CEP164: variants seen among roughly 807,000 people sequenced by gnomAD.
CEP164 encodes the protein centrosomal protein 164.
CEP164 carries 162 observed loss-of-function variants against 182.7 expected under a neutral mutation model. That is an observed-to-expected ratio of 0.89 (90% CI 0.78 to 1.01). The LOEUF (loss-of-function observed/expected upper bound fraction) is 1.01, where lower values mean the gene tolerates loss of function less well. Ranked by LOEUF, CEP164 falls within the 50% of genes least tolerant of loss-of-function variation. CEP164 has a pLI of 0.00. For synonymous variants in CEP164, 661 were observed against 690.0 expected (o/e 0.96, Z 0.66); for missense variants, 1,735 against 1,790.4 (o/e 0.97, Z 0.56).
chr11:117,343,960 A>G (rs758208327), intron 3 of CEP164, among the ~76,000 whole-genome samples: 1 of 152,010 alleles, frequency 6.6e-6, no homozygotes, highest in Non-Finnish European at 1.5e-5. Flanking sequence ...TTGGCTTCGG[A>G]TTATATCATT....
chr11:117,409,329 C>A lies in CEP164; in HGVS notation c.3749-289C>A. The A allele has an allele frequency of 1.7e-6, 1 of 578,530 alleles. No individual in the cohort carries two copies. The highest frequency in any genetic ancestry group is 3.1e-6 in the Non-Finnish European group (1 of 326,922). The allele number at this position is 578,530 out of a possible 1,614,324, so 35.8% of individuals were successfully genotyped here. On this transcript the variant is annotated intron_variant, in intron 29 of 32. Coordinates refer to ENST00000278935, the MANE Select transcript of CEP164 (RefSeq NM_014956.5). This position sits in a 1 kb window ranked among gnomAD's most constrained non-coding sequence, Gnocchi z 4.4. ...GAGGAGGCTTTTCTCTCTCAGCTGC[C>A]CTGGCCTGTATGTGACAGAAGGGCC... is the stretch of plus-strand genomic sequence containing the variant.
At chr11:117,372,373 A>G (rs192158310) in intron 9 of CEP164, among the ~76,000 whole-genome samples, 23 of 151,286 alleles carry the variant, frequency 1.5e-4, no homozygotes, top group African/African-American at 5.1e-4. Flanking sequence ...GGCCTCCCCA[A>G]GTGCTGGGAT....
intron 23 of CEP164, 79 bp from the exon 24 acceptor site, chr11:117,395,468 C>T: frequency 6.8e-7 from 1 of 1,466,216 alleles, no homozygotes; most frequent in Non-Finnish European, 9.2e-7. Flanking sequence ...CTTTGGCTTC[C>T]CTACCCTCTC....
At chr11:117,382,678 A>T (rs2043473109) in intron 13 of CEP164, 118 bp from the exon 14 acceptor site, 2 of 1,237,056 alleles carry the variant, frequency 1.6e-6, no homozygotes, top group Non-Finnish European at 2.3e-6. Flanking sequence ...CGAGGTAGGG[A>T]AATTGTTGGG....
chr11:117,348,253 T>C (rs2039197290), intron 4 of CEP164, among the ~76,000 whole-genome samples: 2 of 152,138 alleles, frequency 1.3e-5, no homozygotes, highest in African/African-American at 4.8e-5. Context: ...GTTACAGGCA[T>C]GAGCCACAGC....
chr11:117,340,415 C>T (rs2135129241), intron 3 of CEP164, among the ~76,000 whole-genome samples: 1 of 152,348 alleles, frequency 6.6e-6, no homozygotes, highest in South Asian at 2.1e-4. Context: ...ACAAAGTTTG[C>T]TTATAATTCA....
At chr11:117,406,971 G>A (rs2046758396) in intron 27 of CEP164, among the ~76,000 whole-genome samples, 1 of 152,302 alleles carries the variant, frequency 6.6e-6, no homozygotes, top group African/African-American at 2.4e-5. Context: ...GTGCACGCCT[G>A]TAATCCCAGC....
intron 1 of CEP164, among the ~76,000 whole-genome samples, chr11:117,333,737 T>C (rs1346287243): frequency 2.6e-5 from 4 of 152,026 alleles, no homozygotes; most frequent in Non-Finnish European, 4.4e-5. Flanking sequence ...GGTCGTCTTA[T>C]GTTGCTCACG....
chr11:117,342,473 G>A (rs11216360), intron 3 of CEP164, among the ~76,000 whole-genome samples: 21,570 of 151,648 alleles, frequency 0.14, 1,677 homozygotes, highest in Middle Eastern at 0.17. Context: ...TTTCCTGTAC[G>A]TGAGATAGCT....
chr11:117,390,234 C>T (rs540556721), intron 15 of CEP164, among the ~76,000 whole-genome samples: 18 of 151,926 alleles, frequency 1.2e-4, no homozygotes, highest in South Asian at 6.3e-4. Flanking sequence ...TGAGCCACCA[C>T]GCCCGGCCAT....
intron 1 of CEP164, among the ~76,000 whole-genome samples, chr11:117,335,058 C>T (rs1025581044): frequency 6.6e-6 from 1 of 152,090 alleles, no homozygotes; most frequent in Admixed American, 6.6e-5. Context: ...TTTTCTTCTC[C>T]TCTCCCTAAG....
intron 14 of CEP164, chr11:117,384,576 C>A (rs921810505): frequency 6.6e-6 from 1 of 152,274 alleles, no homozygotes; most frequent in Non-Finnish European, 1.5e-5. Context: ...CCAGCTCCTC[C>A]CCAGTTGCCT....
chr11:117,391,016 C>A lies in CEP164; in HGVS notation c.2084C>A (p.Ser695Tyr). Residue 695 changes from serine to tyrosine, a missense_variant, in exon 17 of 33, where the codon TCC becomes TAC. Coordinates refer to ENST00000278935, the MANE Select transcript of CEP164 (RefSeq NM_014956.5). Reference sequence around the variant, plus strand: ...CCACCCAGGGCTGAGCAAGAGGCTTCCCTGCAGAAACTGAGAGAAGAGTTG... The same window carrying A: ...CCACCCAGGGCTGAGCAAGAGGCTTACCTGCAGAAACTGAGAGAAGAGTTG... Reference protein sequence around the residue: ...EDQIRAEQEASLQKLREELES... With the variant: ...EDQIRAEQEAYLQKLREELES... The A allele has an allele frequency of 6.2e-7, 1 of 1,614,120 alleles. No homozygotes were observed. Among genetic ancestry groups the A allele is most frequent in the Non-Finnish European group, 8.5e-7 (1 of 1,180,036 alleles).
In CEP164 at chr11:117,394,933, A is replaced by C; in HGVS notation, c.2774A>C (p.Gln925Pro). ...CTTTCTGGGCAGGAAAGGAAGCTCC[A>C]GGATTTAGAGTTGGACCTTGAAACC... ...RRHREQERKL[Q>P]DLELDLETRA... Residue 925 changes from glutamine (Q) to proline (P), a missense_variant, in exon 22 of 33, where the codon CAG becomes CCG. Coordinates refer to ENST00000278935, the MANE Select transcript of CEP164 (RefSeq NM_014956.5). This position sits in a 1 kb window ranked among gnomAD's most constrained non-coding sequence, Gnocchi z 4.0. The C allele has an allele frequency of 6.2e-7, 1 of 1,614,176 alleles. No homozygotes were observed. The highest frequency in any genetic ancestry group is 8.5e-7 in the Non-Finnish European group (1 of 1,180,016).
intron 8 of CEP164, 127 bp from the exon 9 acceptor site, chr11:117,370,953 C>T (rs2042142635): frequency 1.1e-6 from 1 of 947,562 alleles, no homozygotes; most frequent in Non-Finnish European, 1.6e-6. Context: ...GATTGATAAC[C>T]ATTGGGGCAG....
In CEP164 at chr11:117,361,487, G is replaced by A. The variant is rs1432093217; in HGVS notation, c.394-348G>A. 2.6e-5 allele frequency among the ~76,000 whole-genome samples: 4 copies of A among 151,786 alleles called. No individual in the cohort carries two copies. The South Asian group carries it at 8.3e-4, about 32-fold the overall frequency. The stretch of plus-strand genomic sequence containing the variant: ...AGACTCCTGACCTCGTGATTCACCC[G>A]GCTCTGCCTCCCAAAGTGGTAGGAT... On this transcript the variant is annotated intron_variant, in intron 5 of 32. Coordinates refer to ENST00000278935, the MANE Select transcript of CEP164 (RefSeq NM_014956.5).
chr11:117,393,180 C>T (rs776246878), intron 20 of CEP164, 54 bp downstream of exon 20: 148 of 1,588,280 alleles, frequency 9.3e-5, no homozygotes, highest in Middle Eastern at 1.8e-4. Flanking sequence ...CACACATGCA[C>T]GCACATGCAC....
rs751751431 is a variant in CEP164 at position 117,392,606 on chromosome 11, C to T, written c.2472C>T (p.His824=). Residue 824 remains histidine (H), a synonymous_variant, in exon 19 of 33, where the codon CAC becomes CAT. Transcript: ENST00000278935. ...ACAGAGTTCACCAGAAGTCTTATCA[C>T]GTGGCTGGGTATGAGCACGAGGTGA... ...VEHRVHQKSY[H]VAGYEHELSS... 1.2e-6 allele frequency: 2 copies of T among 1,614,088 alleles called. No individual in the cohort carries two copies. Among genetic ancestry groups the T allele is most frequent in the South Asian group, 1.1e-5 (1 of 91,078 alleles).
chr11:117,361,745 G>A (rs2135685365), intron 5 of CEP164, 90 bp from the exon 6 acceptor site: 1 of 1,371,150 alleles, frequency 7.3e-7, no homozygotes, highest in East Asian at 2.3e-5. Flanking sequence ...GAGCGTGCAG[G>A]ATTTAGATGT....
Sources: allele counts gnomAD v4.1 joint callset (sites outside exome capture counted in the v4.1 genomes callset), GRCh38; gene constraint gnomAD v4.1.1; non-coding constraint Gnocchi (gnomAD v3.1); transcripts MANE v1.5; gene names NCBI Gene and HGNC (gene_info 2026-07-23, HGNC 2026-07-21).